MTUS2: variants seen among roughly 807,000 people sequenced by gnomAD.
MTUS2 encodes the protein microtubule associated scaffold protein 2.
Under a neutral mutation model 114.1 loss-of-function variants are expected in MTUS2, and 40 were observed. That is an observed-to-expected ratio of 0.35 (90% CI 0.27 to 0.46). The LOEUF (loss-of-function observed/expected upper bound fraction) is 0.46. MTUS2 is among the 20% of genes least tolerant of loss of function. The pLI is 1.00. For synonymous variants in MTUS2, 688 were observed against 672.0 expected (o/e 1.02, Z -0.37); for missense variants, 1,679 against 1,705.4 (o/e 0.98, Z 0.27).
At chr13:29,117,242 G>A (rs1289668444) in intron 5 of MTUS2, among the ~76,000 whole-genome samples, 1 of 152,102 alleles carries the variant, frequency 6.6e-6, no homozygotes, top group African/African-American at 2.4e-5. Flanking sequence ...GGCTTCTCTG[G>A]ATGCTGCAGC....
intron 8 of MTUS2, among the ~76,000 whole-genome samples, chr13:29,403,833 C>T (rs183500835): frequency 2.6e-5 from 4 of 152,224 alleles, no homozygotes; most frequent in African/African-American, 4.8e-5. Context: ...CTTATTCTTT[C>T]GATCCATCTA....
chr13:29,191,672 C>A (rs1449245829), intron 5 of MTUS2, among the ~76,000 whole-genome samples: 1 of 152,160 alleles, frequency 6.6e-6, no homozygotes, highest in Non-Finnish European at 1.5e-5. Context: ...TCCTGGAGAT[C>A]TTGGGTGTGA....
At chr13:29,142,230 A>G (rs1333061890) in intron 5 of MTUS2, among the ~76,000 whole-genome samples, 1 of 152,110 alleles carries the variant, frequency 6.6e-6, no homozygotes, top group Non-Finnish European at 1.5e-5. Context: ...GGGTTGTTAC[A>G]TGTTAAAGTG....
At chr13:29,384,716 C>T (rs1415877010) in intron 8 of MTUS2, among the ~76,000 whole-genome samples, 1 of 152,212 alleles carries the variant, frequency 6.6e-6, no homozygotes, top group Non-Finnish European at 1.5e-5. Context: ...ACACTGCTGA[C>T]GTCCAATGCT....
intron 1 of MTUS2, among the ~76,000 whole-genome samples, chr13:28,838,084 C>A (rs751662776): frequency 3.3e-5 from 5 of 152,052 alleles, no homozygotes; most frequent in Non-Finnish European, 7.4e-5. Context: ...CATAATTAAT[C>A]TAAAAAATAG....
rs9578100 is a variant in MTUS2, at chr13:29,479,340, A to C, written c.3185-810A>C. 6.8e-3 allele frequency among the ~76,000 whole-genome samples: 1,032 copies of C among 152,088 alleles called. 11 individuals carry two copies. Among genetic ancestry groups the C allele is most frequent in the South Asian group, 0.035 (167 of 4,812 alleles). On this transcript the variant is annotated intron_variant, in intron 9 of 15. Coordinates refer to ENST00000612955, the MANE Select transcript of MTUS2 (RefSeq NM_001033602.4). ...GGAAGCAGGTGTGCAGCTCAGGGAG[A>C]GGTCTTTAGAATGGAAGCACTTGGC...
At chr13:29,257,273 G>A (rs1237554070) in intron 5 of MTUS2, among the ~76,000 whole-genome samples, 1 of 152,182 alleles carries the variant, frequency 6.6e-6, no homozygotes, top group Admixed American at 6.5e-5. Flanking sequence ...TCAGAATGGA[G>A]TCCAAACTCC....
At position 29,133,069 on chromosome 13, in the gene MTUS2, G is replaced by A. The variant is rs192724034; in HGVS notation, c.2644+32099G>A. ...TAATAGTAGCCATACTAATGGTTGC[G>A]AGGTGCTATCTCATTATAGGTTTGA... On this transcript the variant is annotated intron_variant, in intron 5 of 15. Coordinates refer to ENST00000612955, the MANE Select transcript of MTUS2 (RefSeq NM_001033602.4). 2.4e-4 allele frequency among the ~76,000 whole-genome samples: 36 copies of A among 151,940 alleles called. No individual in the cohort carries two copies. The East Asian group carries it at 6.6e-3, about 28-fold the overall frequency.
At chr13:29,474,449 G>A (rs1040307920) in intron 9 of MTUS2, among the ~76,000 whole-genome samples, 9 of 151,966 alleles carry the variant, frequency 5.9e-5, no homozygotes, top group Admixed American at 5.9e-4. Context: ...CAATAAACAG[G>A]GATTTAATGA....
intron 1 of MTUS2, among the ~76,000 whole-genome samples, chr13:28,824,346 A>G (rs1874119756): frequency 6.6e-6 from 1 of 152,212 alleles, no homozygotes; most frequent in South Asian, 2.1e-4. Context: ...AAGTGTAATC[A>G]TCAGGGAGGA....
intron 5 of MTUS2, among the ~76,000 whole-genome samples, chr13:29,166,052 TGTG>T (rs1337802421): frequency 6.6e-6 from 1 of 152,128 alleles, no homozygotes; most frequent in Non-Finnish European, 1.5e-5. Flanking sequence ...GTAACTTGAT[TGTG>T]GTGGTGACTC....
intron 3 of MTUS2, among the ~76,000 whole-genome samples, chr13:29,029,033 G>A (rs577442194): frequency 2.5e-3 from 384 of 152,230 alleles, no homozygotes; most frequent in Non-Finnish European, 4.0e-3. Context: ...ATCCATTCTC[G>A]GCAGCAGACA....
At chr13:29,164,572 AG>A (rs1893235940) in intron 5 of MTUS2, among the ~76,000 whole-genome samples, 1 of 152,152 alleles carries the variant, frequency 6.6e-6, no homozygotes, top group Non-Finnish European at 1.5e-5. Flanking sequence ...ATATAATTTG[AG>A]GTATTCTGAT....
chr13:28,943,931 T>G (rs182950825), intron 2 of MTUS2, among the ~76,000 whole-genome samples: 3 of 152,288 alleles, frequency 2.0e-5, no homozygotes, highest in African/African-American at 7.2e-5. Context: ...AAAAATCAAT[T>G]TACTTAACAA....
intron 4 of MTUS2, among the ~76,000 whole-genome samples, chr13:29,094,344 A>T (rs1296678959): frequency 1.3e-5 from 2 of 150,276 alleles, no homozygotes; most frequent in East Asian, 3.9e-4. Flanking sequence ...CTTTGTGGGA[A>T]TTTTTTTTTT....
intron 6 of MTUS2, chr13:29,307,507 G>T (rs1201384270): frequency 8.0e-7 from 1 of 1,244,210 alleles, no homozygotes; most frequent in Non-Finnish European, 1.2e-6. Flanking sequence ...GTCAGTTGTG[G>T]ATCTGACCTG....
chr13:29,214,309 C>T (rs769103269), intron 5 of MTUS2, among the ~76,000 whole-genome samples: 7 of 151,992 alleles, frequency 4.6e-5, no homozygotes, highest in Non-Finnish European at 8.8e-5. Flanking sequence ...GACTCTTTTT[C>T]CAATTTGCCC....
Position 28,906,686 on chromosome 13 carries a change from A to G in MTUS2, c.-243+66836A>G, listed in dbSNP as rs533509510. ...TGCTTTACTTCCAACTATGTGGTCA[A>G]TTTTGGGATAGGTGTGGTGTGGTGC... On this transcript the variant is annotated intron_variant, in intron 2 of 15. Transcript: ENST00000612955. 3.6e-4 allele frequency among the ~76,000 whole-genome samples: 55 copies of G among 151,624 alleles called. 2 individuals carry two copies. Among genetic ancestry groups the G allele is most frequent in the East Asian group, 2.5e-3 (13 of 5,180 alleles).
chr13:29,109,411 C>A (rs1029077378), intron 5 of MTUS2, among the ~76,000 whole-genome samples: 2 of 152,104 alleles, frequency 1.3e-5, no homozygotes, highest in Admixed American at 1.3e-4. Flanking sequence ...TATATTAGAT[C>A]TCCAGAACTT....
Sources: gnomAD v4.1 joint callset for allele counts (sites outside exome capture counted in the v4.1 genomes callset) on GRCh38, gnomAD v4.1.1 for gene constraint, MANE v1.5 for transcripts, NCBI Gene and HGNC (gene_info 2026-07-23, HGNC 2026-07-21) for gene names.